Variants in CMTM8 observed in about 807,000 individuals in gnomAD.
CMTM8 encodes CKLF like MARVEL transmembrane domain containing 8.
Under a neutral mutation model 18.6 loss-of-function variants are expected in CMTM8, and 12 were observed. The ratio of observed to expected loss-of-function variants is 0.65; its 90% CI spans 0.41 to 1.05. The LOEUF (loss-of-function observed/expected upper bound fraction) is 1.05, where lower values mean the gene tolerates loss of function less well. Among genes scored for constraint, CMTM8 ranks in the 50% least tolerant of loss-of-function variants. The pLI, the probability that CMTM8 is intolerant of heterozygous loss-of-function variation, is 0.00. For missense variants in CMTM8, 217 were observed against 227.2 expected (o/e 0.95, Z 0.29); for synonymous variants, 87 against 90.6 (o/e 0.96, Z 0.23).
At chr3:32,267,099 A>G (rs1702358712) in intron 1 of CMTM8, among the ~76,000 whole-genome samples, 1 of 152,134 alleles carries the variant, frequency 6.6e-6, no homozygotes, top group African/African-American at 2.4e-5. Flanking sequence ...GGAAAAAACT[A>G]CTTTAAAGTT....
At chr3:32,320,473 G>T (rs1029724947) in intron 1 of CMTM8, among the ~76,000 whole-genome samples, 1 of 152,182 alleles carries the variant, frequency 6.6e-6, no homozygotes, top group African/African-American at 2.4e-5. Context: ...CCTGAGGGTG[G>T]TAGGGGTGGG....
At chr3:32,265,003 G>A (rs1382506846) in intron 1 of CMTM8, among the ~76,000 whole-genome samples, 1 of 152,030 alleles carries the variant, frequency 6.6e-6, no homozygotes, top group Non-Finnish European at 1.5e-5. Flanking sequence ...CAATAATAAT[G>A]GGAGACTTTA....
chr3:32,259,227 C>T (rs1424119971), intron 1 of CMTM8: 5 of 565,786 alleles, frequency 8.8e-6, no homozygotes, highest in African/African-American at 7.5e-5. Flanking sequence ...ACTGCCTGGC[C>T]TCCTACCTGG....
rs1323494901 is a variant in CMTM8 at position 32,365,597 on chromosome 3, G to A, written c.322-2275G>A. ...AGTAGCTGGGATTACAGGGCCCATCGCCACATTTGCCTAATTTTTGTATTT... is the reference window on the plus strand; with the variant it reads ...AGTAGCTGGGATTACAGGGCCCATCACCACATTTGCCTAATTTTTGTATTT... On this transcript the variant is annotated intron_variant, in intron 2 of 3. Transcript: ENST00000307526. Among the ~76,000 whole-genome samples the A allele has an allele frequency of 6.6e-5, 10 of 152,114 alleles. No homozygotes were observed. The South Asian group carries it at 1.2e-3, about 19-fold the overall frequency.
intron 1 of CMTM8, among the ~76,000 whole-genome samples, chr3:32,305,670 G>A (rs1230582660): frequency 2.0e-5 from 3 of 152,184 alleles, no homozygotes; most frequent in Admixed American, 2.0e-4. Context: ...CTTACCAGAT[G>A]AGTAGGCATT....
chr3:32,323,363 C>T (rs755607155), intron 1 of CMTM8, among the ~76,000 whole-genome samples: 5 of 152,212 alleles, frequency 3.3e-5, no homozygotes, highest in Non-Finnish European at 7.3e-5. Flanking sequence ...TCTCCCCCAA[C>T]TCACCATCTC....
chr3:32,268,964 A>G (rs368687340), intron 1 of CMTM8, among the ~76,000 whole-genome samples: 1 of 152,328 alleles, frequency 6.6e-6, no homozygotes, highest in East Asian at 1.9e-4. Context: ...GTTTCCAGAA[A>G]GGGCTTCAGG....
chr3:32,366,479 A>C (rs72855667), intron 2 of CMTM8, among the ~76,000 whole-genome samples: 5 of 152,164 alleles, frequency 3.3e-5, no homozygotes, highest in African/African-American at 1.2e-4. Context: ...TCTTTCATTC[A>C]TTCTCATTCA....
chr3:32,269,409 T>C (rs1702400669), intron 1 of CMTM8, among the ~76,000 whole-genome samples: 1 of 152,254 alleles, frequency 6.6e-6, no homozygotes, highest in South Asian at 2.1e-4. Context: ...TTCATTTTCA[T>C]TCACTTTTCA....
chr3:32,247,635 A>T (rs1702058058), intron 1 of CMTM8, among the ~76,000 whole-genome samples: 1 of 151,772 alleles, frequency 6.6e-6, no homozygotes, highest in African/African-American at 2.4e-5. Context: ...TAATTTTTGT[A>T]TTTTTAGTAG....
intron 1 of CMTM8, among the ~76,000 whole-genome samples, chr3:32,311,753 T>C (rs1037256846): frequency 1.1e-4 from 16 of 152,196 alleles, no homozygotes; most frequent in African/African-American, 3.9e-4. Flanking sequence ...ATTCTGACAC[T>C]AACTGGAGTT....
At chr3:32,270,759 T>C (rs1462597997) in intron 1 of CMTM8, among the ~76,000 whole-genome samples, 1 of 152,102 alleles carries the variant, frequency 6.6e-6, no homozygotes, top group African/African-American at 2.4e-5. Flanking sequence ...TTAGGAGATA[T>C]ACCTGATGTA....
At chr3:32,294,758 A>G (rs1275352131) in intron 1 of CMTM8, among the ~76,000 whole-genome samples, 4 of 152,208 alleles carry the variant, frequency 2.6e-5, no homozygotes, top group Non-Finnish European at 4.4e-5. Flanking sequence ...TCTATTCTTT[A>G]AAACACAAAA....
chr3:32,355,161 C>G (rs538542078), intron 1 of CMTM8, among the ~76,000 whole-genome samples: 1 of 152,174 alleles, frequency 6.6e-6, no homozygotes, highest in African/African-American at 2.4e-5. Flanking sequence ...GGAAACCTGT[C>G]TGATGGCTTC....
chr3:32,259,655 C>T (rs1486440919), intron 1 of CMTM8: 4 of 1,352,194 alleles, frequency 3.0e-6, no homozygotes, highest in African/African-American at 1.4e-5. Context: ...GGTAGATGCC[C>T]CCAAATCTCA....
intron 1 of CMTM8, among the ~76,000 whole-genome samples, chr3:32,254,152 C>T (rs1342826493): frequency 6.6e-6 from 1 of 152,194 alleles, no homozygotes; most frequent in African/African-American, 2.4e-5. Context: ...CCTCGGTCTC[C>T]CAAAATGCTG....
intron 1 of CMTM8, among the ~76,000 whole-genome samples, chr3:32,282,854 G>A (rs933602916): frequency 6.6e-6 from 1 of 152,142 alleles, no homozygotes; most frequent in South Asian, 2.1e-4. Flanking sequence ...AGCTCTAGGT[G>A]TTTGTATTTT....
intron 1 of CMTM8, among the ~76,000 whole-genome samples, chr3:32,262,065 C>A (rs1483544129): frequency 1.3e-5 from 2 of 152,100 alleles, no homozygotes; most frequent in Non-Finnish European, 2.9e-5. Flanking sequence ...AACTGGCCTG[C>A]CATCAGAAGG....
intron 1 of CMTM8, among the ~76,000 whole-genome samples, chr3:32,334,208 C>A (rs1299981487): frequency 6.6e-6 from 1 of 151,660 alleles, no homozygotes; most frequent in Non-Finnish European, 1.5e-5. Context: ...AAACTCCTGG[C>A]CTCAGGTGAT....
Sources: allele counts gnomAD v4.1 joint callset (sites outside exome capture counted in the v4.1 genomes callset), GRCh38; gene constraint gnomAD v4.1.1; transcripts MANE v1.5; gene names NCBI Gene and HGNC (gene_info 2026-07-23, HGNC 2026-07-21).